RPS6KA5: variants seen among roughly 807,000 people sequenced by gnomAD.
The protein encoded by RPS6KA5 is ribosomal protein S6 kinase alpha-5.
In RPS6KA5, 27 loss-of-function variants were observed where a neutral mutation model predicts 85.5. The observed-to-expected ratio is 0.32, with a 90% CI of 0.23 to 0.44. The LOEUF (loss-of-function observed/expected upper bound fraction) is 0.44, where lower values mean the gene tolerates loss of function less well. RPS6KA5 is among the 20% of genes least tolerant of loss of function. The pLI is 1.00. For synonymous variants in RPS6KA5, 334 were observed against 348.2 expected, an observed-to-expected ratio of 0.96 and a Z score of 0.46; for missense variants, 811 against 980.9, an observed-to-expected ratio of 0.83 and a Z score of 2.31.
At chr14:91,046,913 C>T (rs1002142373) in intron 1 of RPS6KA5, among the ~76,000 whole-genome samples, 6 of 151,572 alleles carry the variant, frequency 4.0e-5, no homozygotes, top group African/African-American at 1.2e-4. Flanking sequence ...TGGTGGCTTA[C>T]GCCTGTAATC....
Position 91,027,409 on chromosome 14 carries a change from A to T in RPS6KA5, c.104-26250T>A, listed in dbSNP as rs1323883057. On this transcript the variant is annotated intron_variant, in intron 1 of 16. Transcript: ENST00000614987. ...TTTTTTTTCCACTTTGCCAAAGATC[A>T]GATGGCTGTAGGTGTGAGGCTGTAT... Among the ~76,000 whole-genome samples the T allele has an allele frequency of 2.0e-5, 3 of 152,182 alleles. No individual in the cohort carries two copies. The East Asian group carries it at 5.8e-4, about 29-fold the overall frequency.
At chr14:90,983,801 CTCTCTCTCTCTCTCTG>C (rs2039922418) in intron 2 of RPS6KA5, among the ~76,000 whole-genome samples, 5 of 121,912 alleles carry the variant, frequency 4.1e-5, no homozygotes, top group South Asian at 5.7e-4. Context: ...CTCTCTCTCT[CTCTCTCTCTCTCTCTG>C]TCTCTCTCTC....
intron 1 of RPS6KA5, among the ~76,000 whole-genome samples, chr14:91,015,275 G>GC (rs1286900355): frequency 2.0e-5 from 3 of 151,984 alleles, no homozygotes; most frequent in Non-Finnish European, 2.9e-5. Flanking sequence ...TCTACACTCA[G>GC]CACAGCATTC....
chr14:90,988,041 T>C (rs954685304), intron 2 of RPS6KA5, among the ~76,000 whole-genome samples: 1 of 152,146 alleles, frequency 6.6e-6, no homozygotes, highest in Non-Finnish European at 1.5e-5. Context: ...TAAATACAAA[T>C]GAATGAATGA....
intron 3 of RPS6KA5, among the ~76,000 whole-genome samples, chr14:90,977,173 A>G (rs12434849): frequency 0.017 from 2,665 of 152,334 alleles, 42 homozygotes; most frequent in Non-Finnish European, 0.026. Context: ...TACTGTAGGC[A>G]CTCAAGAAAT....
At chr14:90,897,454 T>C (rs1347821911) in intron 12 of RPS6KA5, among the ~76,000 whole-genome samples, 1 of 152,184 alleles carries the variant, frequency 6.6e-6, no homozygotes, top group Non-Finnish European at 1.5e-5. Context: ...CAAAATGAAC[T>C]ATGCTATTGC....
intron 5 of RPS6KA5, among the ~76,000 whole-genome samples, chr14:90,939,432 C>A (rs1466679260): frequency 6.6e-6 from 1 of 152,124 alleles, no homozygotes; most frequent in Admixed American, 6.5e-5. Context: ...TCAGCAGCAC[C>A]CCACTCGTGG....
At chr14:90,887,995 A>G (rs2034333026) in intron 14 of RPS6KA5, among the ~76,000 whole-genome samples, 1 of 150,744 alleles carries the variant, frequency 6.6e-6, no homozygotes, top group Non-Finnish European at 1.5e-5. Context: ...GAAAGTGCTT[A>G]AATCAGGATT....
intron 1 of RPS6KA5, among the ~76,000 whole-genome samples, chr14:91,056,243 A>G (rs1158070136): frequency 6.6e-6 from 1 of 152,214 alleles, no homozygotes; most frequent in Non-Finnish European, 1.5e-5. Flanking sequence ...ATGTCTTCCC[A>G]GCAACTCCTC....
intron 13 of RPS6KA5, chr14:90,894,097 T>TA: frequency 1.0e-6 from 1 of 990,216 alleles, no homozygotes; most frequent in Non-Finnish European, 1.2e-6. Context: ...GTAAGAGATA[T>TA]TATTTTCTGC....
chr14:91,022,472 A>G (rs149896719), intron 1 of RPS6KA5, among the ~76,000 whole-genome samples: 232 of 152,316 alleles, frequency 1.5e-3, no homozygotes, highest in Non-Finnish European at 2.5e-3. Context: ...CTTTCCAATA[A>G]ATATCAGAGT....
rs2032417707 is a variant in RPS6KA5, at chr14:90,859,099, T to G, written c.*12975A>C. The G allele has an allele frequency of 6.6e-6, 1 of 152,148 alleles. No individual in the cohort carries two copies. Among genetic ancestry groups the G allele is most frequent in the Non-Finnish European group, 1.5e-5 (1 of 68,080 alleles). The allele number at this position is 152,148 out of a possible 1,614,324, so 9.4% of individuals were successfully genotyped here. On this transcript the variant is annotated 3_prime_UTR_variant, in exon 17 of 17. Transcript: ENST00000614987. ...CAAGGTCACCGAGGTGAAGTGGCCC[T>G]GATAAACACCCTAGATTTTCAGATG...
At chr14:91,044,437 GAA>G (rs573799065) in intron 1 of RPS6KA5, among the ~76,000 whole-genome samples, 73 of 143,880 alleles carry the variant, frequency 5.1e-4, no homozygotes, top group Middle Eastern at 3.7e-3. Flanking sequence ...AAGAAAGAAA[GAA>G]AGAAAGAAAA....
At chr14:91,036,584 T>C (rs945513831) in intron 1 of RPS6KA5, among the ~76,000 whole-genome samples, 1 of 152,136 alleles carries the variant, frequency 6.6e-6, no homozygotes, top group Non-Finnish European at 1.5e-5. Flanking sequence ...TGCAGATAAT[T>C]TAGCTGGAAG....
intron 1 of RPS6KA5, among the ~76,000 whole-genome samples, chr14:91,003,965 C>T (rs937894024): frequency 5.9e-5 from 9 of 152,262 alleles, no homozygotes; most frequent in African/African-American, 2.2e-4. Flanking sequence ...AGTCCTTAAG[C>T]AGGTCCATGT....
chr14:90,933,673 C>G (rs1375371701), intron 5 of RPS6KA5, among the ~76,000 whole-genome samples: 2 of 152,210 alleles, frequency 1.3e-5, no homozygotes, highest in African/African-American at 4.8e-5. Context: ...CACTACTCTT[C>G]TACTCAAAAC....
At chr14:90,957,372 A>C (rs1595335292) in intron 3 of RPS6KA5, among the ~76,000 whole-genome samples, 2 of 152,096 alleles carry the variant, frequency 1.3e-5, no homozygotes, top group East Asian at 3.9e-4. Flanking sequence ...GCCTGTTTTT[A>C]TAGTTATTTT....
At chr14:90,990,071 C>T (rs1286863007) in intron 2 of RPS6KA5, among the ~76,000 whole-genome samples, 1 of 151,916 alleles carries the variant, frequency 6.6e-6, no homozygotes, top group Admixed American at 6.6e-5. Context: ...TGAGCACTAC[C>T]AATGGGGGGA....
Position 90,923,502 on chromosome 14 carries a change from C to T in RPS6KA5, c.619-306G>A, listed in dbSNP as rs546475598. 1.1e-4 allele frequency among the ~76,000 whole-genome samples: 17 copies of T among 152,220 alleles called. No individual in the cohort carries two copies. The South Asian group carries it at 2.9e-3, about 26-fold the overall frequency. On this transcript the variant is annotated intron_variant, in intron 5 of 16. Coordinates refer to ENST00000614987, the MANE Select transcript of RPS6KA5 (RefSeq NM_004755.4). ...GAATCCATTCATTTATTCTTGTTCA[C>T]TTTTTGCATGCATGTATATTTCAGT...
Sources: allele counts gnomAD v4.1 joint callset (sites outside exome capture counted in the v4.1 genomes callset), GRCh38; gene constraint gnomAD v4.1.1; transcripts MANE v1.5; gene names NCBI Gene and HGNC (gene_info 2026-07-23, HGNC 2026-07-21).